The following ZSWIM6 variants were observed in gnomAD, a reference collection of about 807,000 sequenced individuals.
ZSWIM6 encodes the protein zinc finger SWIM-type containing 6.
A neutral mutation model predicts 113.2 loss-of-function variants in ZSWIM6; 9 were observed. The ratio of observed to expected loss-of-function variants is 0.08; its 90% CI spans 0.05 to 0.14. The LOEUF (loss-of-function observed/expected upper bound fraction) is 0.14, where lower values mean the gene tolerates loss of function less well. Among genes scored for constraint, ZSWIM6 ranks in the 10% least tolerant of loss-of-function variants. The pLI, the probability that ZSWIM6 is intolerant of heterozygous loss-of-function variation, is 1.00. For missense variants in ZSWIM6, 1,162 were observed against 1,552.2 expected (o/e 0.75, Z 4.22); for synonymous variants, 611 against 606.5 (o/e 1.01, Z -0.11).
chr5:61,374,288 G>T (rs1036237583), intron 1 of ZSWIM6, among the ~76,000 whole-genome samples: 1 of 152,102 alleles, frequency 6.6e-6, no homozygotes, highest in Non-Finnish European at 1.5e-5. Flanking sequence ...ACATATGGCC[G>T]CCATAGAATT....
chr5:61,458,382 A>G (rs1280019131), intron 1 of ZSWIM6, among the ~76,000 whole-genome samples: 1 of 152,212 alleles, frequency 6.6e-6, no homozygotes, highest in Admixed American at 6.5e-5. Flanking sequence ...GGAGATCTGC[A>G]AGAATGCCCT....
intron 1 of ZSWIM6, among the ~76,000 whole-genome samples, chr5:61,372,838 T>G: frequency 6.6e-6 from 1 of 152,202 alleles, no homozygotes; most frequent in East Asian, 1.9e-4. Flanking sequence ...GTCAGAAAAT[T>G]AGCAGCGTCT....
intron 1 of ZSWIM6, among the ~76,000 whole-genome samples, chr5:61,469,913 T>C (rs1051136148): frequency 1.3e-5 from 2 of 152,170 alleles, no homozygotes; most frequent in African/African-American, 4.8e-5. Context: ...TTCAGCGTGT[T>C]AGCCAGGATG....
rs1273372527 is a variant in ZSWIM6 at position 61,479,921 on chromosome 5, T to TC, written c.1033+6884_1033+6885insC. On this transcript the variant is annotated intron_variant, in intron 2 of 13. Transcript: ENST00000252744. ...GGAAAATATTTGTGAACCAGCTTTTTTTTTTTAAGTCTTTTAAAAATAATT... is the reference window on the plus strand; with the variant it reads ...GGAAAATATTTGTGAACCAGCTTTTTCTTTTTTAAGTCTTTTAAAAATAATT... Among the ~76,000 whole-genome samples, 3 of 152,098 alleles carry TC rather than the reference T, an allele frequency of 2.0e-5. No individual in the cohort carries two copies. In the South Asian group the frequency reaches 6.2e-4, roughly 32 times the overall value.
intron 3 of ZSWIM6, 147 bp downstream of exon 3, chr5:61,491,081 T>C: frequency 1.4e-6 from 1 of 706,822 alleles, no homozygotes; most frequent in Non-Finnish European, 2.0e-6. Context: ...TGTATTGTAA[T>C]GCAAGCTATT....
intron 1 of ZSWIM6, among the ~76,000 whole-genome samples, chr5:61,372,104 G>A (rs1453357771): frequency 6.6e-6 from 1 of 151,580 alleles, no homozygotes; most frequent in African/African-American, 2.4e-5. Flanking sequence ...ACAGAAATGA[G>A]CAGCATTCCA....
chr5:61,332,326 GGGCGGC>G lies in ZSWIM6; in HGVS notation c.69_74del (p.Gly25_Gly26del), dbSNP rs565100893. 49,208 of 1,117,382 alleles carry G rather than the reference GGGCGGC, an allele frequency of 0.044. 1,570 individuals carry two copies. The highest frequency in any genetic ancestry group is 0.18 in the South Asian group (4,181 of 23,322). The allele number at this position is 1,117,382 out of a possible 1,614,324, so 69.2% of individuals were successfully genotyped here. A position where few individuals can be genotyped will look rare whatever the true frequency, so the allele number is the denominator to read the frequency against. On this transcript the variant is annotated inframe_deletion, in exon 1 of 14. Transcript: ENST00000252744. ...CCGCGAAACGGCTTTGCTGCCGGCC[GGGCGGC>G]GGCGGCGGCGGCGGGGGCAGCAGCG...
intron 6 of ZSWIM6, 118 bp downstream of exon 6, chr5:61,526,094 G>A (rs932890165): frequency 3.5e-6 from 5 of 1,409,266 alleles, no homozygotes; most frequent in African/African-American, 2.9e-5. Flanking sequence ...ATGAATGCTT[G>A]GCAATAGGAG....
At chr5:61,379,342 C>T (rs1225345835) in intron 1 of ZSWIM6, among the ~76,000 whole-genome samples, 1 of 148,136 alleles carries the variant, frequency 6.8e-6, no homozygotes, top group Non-Finnish European at 1.5e-5. Context: ...TTTTTGTATC[C>T]TGGAAGCAAT....
At chr5:61,445,993 A>G (rs990340694) in intron 1 of ZSWIM6, among the ~76,000 whole-genome samples, 8 of 152,228 alleles carry the variant, frequency 5.3e-5, no homozygotes, top group African/African-American at 1.9e-4. Flanking sequence ...CTTTAGTGCT[A>G]GTACTATCTA....
At chr5:61,385,327 T>G (rs1439790807) in intron 1 of ZSWIM6, among the ~76,000 whole-genome samples, 1 of 152,182 alleles carries the variant, frequency 6.6e-6, no homozygotes, top group Non-Finnish European at 1.5e-5. Flanking sequence ...ATTCCTGGGT[T>G]GTCCGGGAAA....
chr5:61,486,288 ATTCT>A (rs1748019680), intron 2 of ZSWIM6, among the ~76,000 whole-genome samples: 1 of 152,066 alleles, frequency 6.6e-6, no homozygotes, highest in African/African-American at 2.4e-5. Context: ...ATGTGATTTC[ATTCT>A]TTTTTTTATG....
intron 1 of ZSWIM6, among the ~76,000 whole-genome samples, chr5:61,342,787 T>C (rs899820626): frequency 6.6e-6 from 1 of 152,232 alleles, no homozygotes; most frequent in African/African-American, 2.4e-5. Flanking sequence ...TACTATAATA[T>C]TGATCATCTT....
At position 61,437,123 on chromosome 5, in the gene ZSWIM6, A is replaced by G. The variant is rs575248191; in HGVS notation, c.677-35558A>G. On this transcript the variant is annotated intron_variant, in intron 1 of 13. Transcript: ENST00000252744. ...TGCAACATAAGGGAAAGGGAAGTGG[A>G]GGCACTAAGATTGCTTCGGCAGCCA... 1.1e-3 allele frequency among the ~76,000 whole-genome samples: 164 copies of G among 152,314 alleles called. 4 individuals are homozygous for G. The Middle Eastern group carries it at 0.027, about 25-fold the overall frequency.
chr5:61,543,867 C>T lies in ZSWIM6; in HGVS notation c.3198C>T (p.His1066=). 3 of 1,552,052 alleles carry T rather than the reference C, an allele frequency of 1.9e-6. No individual in the cohort carries two copies. Among genetic ancestry groups the T allele is most frequent in the South Asian group, 2.4e-5 (2 of 84,066 alleles). The stretch of plus-strand genomic sequence containing the variant: ...ACCTGAGCTACAATCAGGACACACA[C>T]CCTGCCATTAATGATGTTTTGTGGG... ...HLNLSYNQDT[H]PAINDVLWAC... The change falls in exon 14 of 14, where the codon CAC becomes CAT. Residue 1066 remains histidine, a synonymous_variant. Coordinates refer to ENST00000252744, the MANE Select transcript of ZSWIM6 (RefSeq NM_020928.2). The surrounding 1 kb of genome is among the most constrained non-coding windows in gnomAD (Gnocchi z 4.3).
At chr5:61,535,953 A>G (rs959189447) in intron 10 of ZSWIM6, among the ~76,000 whole-genome samples, 2 of 152,238 alleles carry the variant, frequency 1.3e-5, no homozygotes, top group African/African-American at 4.8e-5. Context: ...GAAAAAATTG[A>G]TTTTTGAAGC....
At chr5:61,354,129 G>A (rs1436510055) in intron 1 of ZSWIM6, among the ~76,000 whole-genome samples, 1 of 152,172 alleles carries the variant, frequency 6.6e-6, no homozygotes, top group Admixed American at 6.5e-5. Flanking sequence ...ATGTCTTCAT[G>A]CCTTCTTGTG....
At chr5:61,522,531 T>C (rs533365204) in intron 5 of ZSWIM6, among the ~76,000 whole-genome samples, 3 of 152,296 alleles carry the variant, frequency 2.0e-5, no homozygotes, top group African/African-American at 7.2e-5. Context: ...GAAAATGATA[T>C]GTATTACTCC....
intron 1 of ZSWIM6, among the ~76,000 whole-genome samples, chr5:61,449,271 A>G (rs933311834): frequency 6.6e-6 from 1 of 152,204 alleles, no homozygotes; most frequent in Non-Finnish European, 1.5e-5. Context: ...TTTTTGCTTA[A>G]AGAGGTCACA....
Sources: allele counts gnomAD v4.1 joint callset (sites outside exome capture counted in the v4.1 genomes callset), GRCh38; gene constraint gnomAD v4.1.1; non-coding constraint Gnocchi (gnomAD v3.1); transcripts MANE v1.5; gene names NCBI Gene and HGNC (gene_info 2026-07-23, HGNC 2026-07-21).